The following ATF2 variants were observed in gnomAD, a reference collection of about 807,000 sequenced individuals.
ATF2 encodes the protein cyclic AMP-dependent transcription factor ATF-2.
Under a neutral mutation model 60.6 loss-of-function variants are expected in ATF2, and 24 were observed. The observed-to-expected ratio is 0.40, with a 90% CI of 0.29 to 0.56. The LOEUF is 0.56. Ranked by LOEUF, ATF2 falls within the 20% of genes least tolerant of loss-of-function variation. The pLI, the probability that ATF2 is intolerant of heterozygous loss-of-function variation, is 0.54. For synonymous variants in ATF2, 206 were observed against 215.4 expected, an observed-to-expected ratio of 0.96 and a Z score of 0.38; for missense variants, 433 against 607.7, an observed-to-expected ratio of 0.71 and a Z score of 3.02.
rs576000983 is a variant in ATF2, at chr2:175,103,167, A to C, written c.829-5574T>G. On this transcript the variant is annotated intron_variant, in intron 10 of 13. Transcript: ENST00000264110. ...TACTCCATCACAGTTCAAAGAAAAA[A>C]GATAATGTTCTCTAGAAACAATTTA... 3.9e-5 allele frequency among the ~76,000 whole-genome samples: 6 copies of C among 152,350 alleles called. No individual in the cohort carries two copies. The East Asian group carries it at 1.2e-3, about 29-fold the overall frequency.
chr2:175,118,978 T>A (rs1696768066), intron 5 of ATF2, among the ~76,000 whole-genome samples: 1 of 151,674 alleles, frequency 6.6e-6, no homozygotes, highest in African/African-American at 2.4e-5. Flanking sequence ...GTACAAGGAA[T>A]ATGTGTGAGT....
intron 3 of ATF2, among the ~76,000 whole-genome samples, chr2:175,134,216 T>C (rs1225927701): frequency 6.6e-6 from 1 of 152,130 alleles, no homozygotes; most frequent in Non-Finnish European, 1.5e-5. Flanking sequence ...ATATGCATTG[T>C]AGTAGGTATT....
chr2:175,094,424 A>G (rs1694774750), intron 11 of ATF2, among the ~76,000 whole-genome samples: 1 of 150,038 alleles, frequency 6.7e-6, no homozygotes, highest in Non-Finnish European at 1.5e-5. Context: ...AAAAAAAAAA[A>G]AAAAAGAAAG....
intron 2 of ATF2, among the ~76,000 whole-genome samples, chr2:175,150,152 T>C (rs1361406449): frequency 6.6e-6 from 1 of 152,236 alleles, no homozygotes; most frequent in Admixed American, 6.5e-5. Context: ...CATTCTGCTT[T>C]ATACTTGCTT....
chr2:175,129,681 C>A (rs531064520), intron 4 of ATF2, among the ~76,000 whole-genome samples: 9 of 152,020 alleles, frequency 5.9e-5, no homozygotes, highest in Non-Finnish European at 8.8e-5. Context: ...GAAACTGCTG[C>A]CACATGCCCA....
intron 7 of ATF2, among the ~76,000 whole-genome samples, chr2:175,115,078 G>A (rs1020137424): frequency 9.0e-5 from 13 of 144,092 alleles, no homozygotes; most frequent in East Asian, 2.0e-4. Flanking sequence ...AAAAAGACTC[G>A]TTTTTTTTTT....
At chr2:175,088,980 G>A (rs901607459) in intron 12 of ATF2, among the ~76,000 whole-genome samples, 5 of 152,046 alleles carry the variant, frequency 3.3e-5, no homozygotes, top group Admixed American at 1.3e-4. Flanking sequence ...TCGGGAGTTC[G>A]AGACCAGCCT....
chr2:175,095,128 C>T (rs911303504), intron 11 of ATF2, among the ~76,000 whole-genome samples: 2 of 150,558 alleles, frequency 1.3e-5, no homozygotes, highest in Admixed American at 6.6e-5. Context: ...GATGGAGTCT[C>T]GCTCTGTGGC....
chr2:175,135,370 C>T (rs551780630), intron 3 of ATF2, among the ~76,000 whole-genome samples: 7 of 152,222 alleles, frequency 4.6e-5, no homozygotes, highest in Admixed American at 3.3e-4. Flanking sequence ...GCTCCAACTA[C>T]AAGGAAATTC....
rs563068985 is a variant in ATF2 at position 175,077,337 on chromosome 2, C to T, written c.1292-2502G>A. On this transcript the variant is annotated intron_variant, in intron 13 of 13. Transcript: ENST00000264110. ...CAGTAATGGGATGGCTGGGTCAAATCGTATTTCTAGTTCAAGATCTCTGAG... is the reference window on the plus strand; with the variant it reads ...CAGTAATGGGATGGCTGGGTCAAATTGTATTTCTAGTTCAAGATCTCTGAG... 9.2e-5 allele frequency among the ~76,000 whole-genome samples: 14 copies of T among 152,198 alleles called. No individual in the cohort carries two copies. The South Asian group carries it at 1.4e-3, about 16-fold the overall frequency.
intron 7 of ATF2, among the ~76,000 whole-genome samples, chr2:175,115,442 C>T (rs1056849555): frequency 1.2e-4 from 18 of 152,066 alleles, no homozygotes; most frequent in Admixed American, 1.0e-3. Context: ...AAATAATTAC[C>T]GGAGTGAACT....
Position 175,136,393 on chromosome 2 carries a change from C to A in ATF2, c.32+19G>T, listed in dbSNP as rs376504238. The A allele has an allele frequency of 1.6e-5, 25 of 1,606,030 alleles. 1 individual carries two copies. The highest frequency in any genetic ancestry group is 1.2e-4 in the South Asian group (11 of 89,332). On this transcript the variant is annotated intron_variant, in intron 3 of 13. Transcript: ENST00000264110. ...AAAATGTAAAAAATGGCTAAAAATA[C>A]CAAATATTGCACACATACCTGGCAG...
At chr2:175,096,102 A>G (rs212361) in intron 11 of ATF2, among the ~76,000 whole-genome samples, 31,326 of 152,216 alleles carry the variant, frequency 0.21, 3,861 homozygotes, top group African/African-American at 0.35. Context: ...TCTAAAACTT[A>G]TTTATATGTG....
intron 10 of ATF2, among the ~76,000 whole-genome samples, chr2:175,099,102 C>CTTTTT (rs35356799): frequency 1.8e-5 from 2 of 113,574 alleles, no homozygotes; most frequent in African/African-American, 3.3e-5. Context: ...TATTAAATTT[C>CTTTTT]TTTTTTTTTT....
intron 3 of ATF2, among the ~76,000 whole-genome samples, chr2:175,130,771 C>G (rs1333250536): frequency 1.3e-5 from 2 of 152,056 alleles, no homozygotes; most frequent in Non-Finnish European, 2.9e-5. Flanking sequence ...AGAAATGGAT[C>G]CCAGCCTCAG....
intron 8 of ATF2, 34 bp downstream of exon 8, chr2:175,114,656 T>C (rs1226840584): frequency 6.3e-7 from 1 of 1,594,686 alleles, no homozygotes; most frequent in Admixed American, 1.7e-5. Context: ...ACTTAATTCA[T>C]GTATATGTTC....
rs559614397 is a variant in ATF2 at position 175,140,498 on chromosome 2, G to C, written c.-43-4012C>G. ...GGGACAGGAGTAGAAGGAGTGGGAG[G>C]GAAGGATTACAAAGGGGCATGAGAA... On this transcript the variant is annotated intron_variant, in intron 2 of 13. Transcript: ENST00000264110. 1.4e-4 allele frequency among the ~76,000 whole-genome samples: 22 copies of C among 152,196 alleles called. No homozygotes were observed. The South Asian group carries it at 1.4e-3, about 10-fold the overall frequency.
chr2:175,120,328 T>C (rs1696867438), intron 5 of ATF2, among the ~76,000 whole-genome samples: 1 of 151,582 alleles, frequency 6.6e-6, no homozygotes, highest in Non-Finnish European at 1.5e-5. Flanking sequence ...CTCACTCTTC[T>C]GTATAAGTAA....
chr2:175,077,851 C>T (rs1369709497), intron 13 of ATF2, among the ~76,000 whole-genome samples: 1 of 152,150 alleles, frequency 6.6e-6, no homozygotes, highest in East Asian at 1.9e-4. Context: ...ATCACAAGCA[C>T]TAGAGAGATA....
Sources: gnomAD v4.1 joint callset for allele counts (sites outside exome capture counted in the v4.1 genomes callset) on GRCh38, gnomAD v4.1.1 for gene constraint, MANE v1.5 for transcripts, NCBI Gene and HGNC (gene_info 2026-07-23, HGNC 2026-07-21) for gene names.